The following CAST variants were observed in gnomAD, a reference collection of about 807,000 sequenced individuals.
CAST encodes the protein calpastatin, also known as MIR583 host.
In CAST, 76 loss-of-function variants were observed where a neutral mutation model predicts 119.6. That is an observed-to-expected ratio of 0.64 (90% confidence interval 0.53 to 0.77). The LOEUF (loss-of-function observed/expected upper bound fraction) is 0.77. CAST is among the 30% of genes least tolerant of loss of function. The probability of loss-of-function intolerance (pLI) is 0.00; values close to 1 mark genes in which losing one functional copy is unlikely to be tolerated. For missense variants in CAST, 953 were observed against 946.5 expected, an observed-to-expected ratio of 1.01 and a Z score of -0.09; for synonymous variants, 319 against 331.6, an observed-to-expected ratio of 0.96 and a Z score of 0.41.
chr5:96,251,413 A>G, the CAST span, among the ~76,000 whole-genome samples: 4 of 152,170 alleles, frequency 2.6e-5, no homozygotes, highest in Admixed American at 2.6e-4. Context: ...TAGCACCTAC[A>G]AGTTGATCTA....
intron 1 of CAST, among the ~76,000 whole-genome samples, chr5:96,596,807 T>A (rs1747057858): frequency 6.6e-6 from 1 of 152,168 alleles, no homozygotes; most frequent in African/African-American, 2.4e-5. Flanking sequence ...AGGCTGGAAG[T>A]CTGAGACGAA....
the CAST span, among the ~76,000 whole-genome samples, chr5:96,038,723 A>C: frequency 7.9e-5 from 12 of 152,158 alleles, no homozygotes. Flanking sequence ...ATGGCTGCAT[A>C]GTATGCCATG....
the CAST span, among the ~76,000 whole-genome samples, chr5:95,974,643 G>A: frequency 6.6e-6 from 1 of 152,220 alleles, no homozygotes; most frequent in Admixed American, 6.5e-5. Flanking sequence ...TGAGGGGATA[G>A]CTTCACATAT....
chr5:95,961,818 G>A, the CAST span: 2 of 1,421,150 alleles, frequency 1.4e-6, no homozygotes, highest in Non-Finnish European at 1.9e-6. Flanking sequence ...GCCACTGCTA[G>A]GGCCATCCCG....
chr5:96,654,274 C>T (rs1404114585), intron 1 of CAST, among the ~76,000 whole-genome samples: 4 of 152,106 alleles, frequency 2.6e-5, no homozygotes, highest in Non-Finnish European at 5.9e-5. Flanking sequence ...ATTTGTCTGC[C>T]TCAGCCTCCC....
At chr5:96,014,368 T>C in the CAST span, among the ~76,000 whole-genome samples, 1 of 151,602 alleles carries the variant, frequency 6.6e-6, no homozygotes, top group Non-Finnish European at 1.5e-5. Flanking sequence ...AGGATCTGCC[T>C]AAGTTAACTT....
upstream of CAST, among the ~76,000 whole-genome samples, chr5:96,661,832 T>A (rs1207072983): frequency 6.7e-6 from 1 of 150,350 alleles, no homozygotes; most frequent in Non-Finnish European, 1.5e-5. Flanking sequence ...AGTAAAATCA[T>A]ATAAAACATA....
intron 11 of CAST, among the ~76,000 whole-genome samples, chr5:96,739,415 A>G (rs1762256520): frequency 6.6e-6 from 1 of 152,274 alleles, no homozygotes; most frequent in African/African-American, 2.4e-5. Flanking sequence ...CAACATGGAT[A>G]CATTACAAAA....
intron 1 of CAST, among the ~76,000 whole-genome samples, chr5:96,641,898 CA>C (rs1484375831): frequency 6.6e-6 from 1 of 152,194 alleles, no homozygotes; most frequent in East Asian, 1.9e-4. Context: ...AGGATCCTCA[CA>C]GCTCAATCCT....
At chr5:96,473,193 T>C in the CAST span, among the ~76,000 whole-genome samples, 1 of 152,234 alleles carries the variant, frequency 6.6e-6, no homozygotes, top group Non-Finnish European at 1.5e-5. Context: ...GGAACATGTC[T>C]TTTTGGAGGA....
At chr5:96,688,502 A>G (rs1752334117) in intron 2 of CAST, among the ~76,000 whole-genome samples, 1 of 152,248 alleles carries the variant, frequency 6.6e-6, no homozygotes, top group Non-Finnish European at 1.5e-5. Flanking sequence ...ATGGAAGTTA[A>G]GTAAAATCAT....
the CAST span, among the ~76,000 whole-genome samples, chr5:96,186,092 A>G: frequency 1.3e-5 from 2 of 151,956 alleles, no homozygotes; most frequent in Admixed American, 6.6e-5. Flanking sequence ...ATTCATAGAT[A>G]TTTTATTCTT....
the CAST span, among the ~76,000 whole-genome samples, chr5:96,062,138 C>G: frequency 4.6e-5 from 7 of 152,114 alleles, no homozygotes; most frequent in Non-Finnish European, 8.8e-5. Context: ...GTGTTTGATC[C>G]ACCAGCTCAG....
chr5:96,174,138 A>G, the CAST span, among the ~76,000 whole-genome samples: 1 of 152,148 alleles, frequency 6.6e-6, no homozygotes, highest in African/African-American at 2.4e-5. Flanking sequence ...GAATCTGAGG[A>G]AGGTCCTCCT....
the CAST span, among the ~76,000 whole-genome samples, chr5:96,163,347 C>A: frequency 3.9e-5 from 6 of 152,114 alleles, no homozygotes; most frequent in African/African-American, 1.4e-4. Context: ...TTTAAAAGAA[C>A]CAACTTTTGA....
chr5:96,754,265 C>A, intron 21 of CAST, 104 bp downstream of exon 21: 1 of 768,776 alleles, frequency 1.3e-6, no homozygotes, highest in Admixed American at 2.1e-5. Flanking sequence ...TCCTGTAAAA[C>A]ATGACCAGCT....
the CAST span, among the ~76,000 whole-genome samples, chr5:96,158,517 G>A: frequency 6.6e-6 from 1 of 152,152 alleles, no homozygotes; most frequent in Non-Finnish European, 1.5e-5. Flanking sequence ...TATGATTAAA[G>A]TCGGGGGGAG....
intron 9 of CAST, among the ~76,000 whole-genome samples, chr5:96,733,404 T>G (rs1760980936): frequency 6.6e-6 from 1 of 152,240 alleles, no homozygotes; most frequent in Non-Finnish European, 1.5e-5. Flanking sequence ...CCCGCTAAAA[T>G]AGATTTTTAA....
chr5:96,736,328 A>G (rs1761630903), intron 10 of CAST, 88 bp downstream of exon 10: 1 of 737,094 alleles, frequency 1.4e-6, no homozygotes, highest in Non-Finnish European at 2.3e-6. Context: ...GGCAAATAAT[A>G]TGAGGGGGGT....
Sources: gnomAD v4.1 joint callset for allele counts (sites outside exome capture counted in the v4.1 genomes callset) on GRCh38, gnomAD v4.1.1 for gene constraint, MANE v1.5 for transcripts, NCBI Gene and HGNC (gene_info 2026-07-23, HGNC 2026-07-21) for gene names.